SCFD1: variants seen among roughly 807,000 people sequenced by gnomAD.
SCFD1 encodes the protein sec1 family domain-containing protein 1.
SCFD1 carries 37 observed loss-of-function variants against 103.2 expected under a neutral mutation model. The ratio of observed to expected loss-of-function variants is 0.36; its 90% CI spans 0.28 to 0.47. The LOEUF is 0.47. SCFD1 is among the 20% of genes least tolerant of loss of function. The pLI is 1.00. For synonymous variants in SCFD1, 264 were observed against 245.0 expected (o/e 1.08, Z -0.73); for missense variants, 639 against 761.2 (o/e 0.84, Z 1.89).
chr14:30,675,026 C>A lies in SCFD1; in HGVS notation c.1203C>A (p.Leu401=). The A allele has an allele frequency of 6.3e-7, 1 of 1,591,486 alleles. No individual in the cohort carries two copies. The highest frequency in any genetic ancestry group is 1.8e-5 in the Admixed American group (1 of 55,638). The change falls in exon 14 of 25, where the codon CTC becomes CTA. Residue 401 remains leucine (L), a synonymous_variant. Transcript: ENST00000458591. ...TTGAGAAAAAAAGACTTATTGATCT[C>A]CATACAAATGTTGCCACTGCTGTTT... is the stretch of plus-strand genomic sequence containing the variant. ...ELLEKKRLID[L]HTNVATAVLE...
At chr14:30,660,266 A>T (rs1373745409) in intron 10 of SCFD1, among the ~76,000 whole-genome samples, 1 of 152,114 alleles carries the variant, frequency 6.6e-6, no homozygotes, top group Non-Finnish European at 1.5e-5. Context: ...CATTTGGCTG[A>T]TTGTATCCTT....
intron 14 of SCFD1, among the ~76,000 whole-genome samples, chr14:30,691,874 G>GT (rs1371250350): frequency 6.6e-6 from 1 of 152,012 alleles, no homozygotes; most frequent in East Asian, 1.9e-4. Context: ...AGTGAGCCAT[G>GT]TTTTTTTACT....
chr14:30,637,228 A>T (rs1884818547), intron 4 of SCFD1, among the ~76,000 whole-genome samples: 1 of 152,082 alleles, frequency 6.6e-6, no homozygotes, highest in Non-Finnish European at 1.5e-5. Context: ...AGATAAACAG[A>T]TAACCTCCAA....
intron 3 of SCFD1, among the ~76,000 whole-genome samples, chr14:30,633,002 G>T (rs555600261): frequency 6.6e-6 from 1 of 152,150 alleles, no homozygotes; most frequent in Non-Finnish European, 1.5e-5. Flanking sequence ...TCCTCTATTT[G>T]CTGGAGAATA....
intron 14 of SCFD1, among the ~76,000 whole-genome samples, chr14:30,677,151 A>T (rs1889095651): frequency 6.6e-6 from 1 of 152,138 alleles, no homozygotes; most frequent in Non-Finnish European, 1.5e-5. Context: ...TGTAAAAGAT[A>T]GATTTTATTT....
chr14:30,671,617 A>G (rs1888547419), intron 11 of SCFD1, among the ~76,000 whole-genome samples: 1 of 152,178 alleles, frequency 6.6e-6, no homozygotes, highest in Non-Finnish European at 1.5e-5. Flanking sequence ...ATTAAGTAGG[A>G]ATAGCTCTTT....
At chr14:30,678,939 C>T (rs2139243021) in intron 14 of SCFD1, among the ~76,000 whole-genome samples, 1 of 152,326 alleles carries the variant, frequency 6.6e-6, no homozygotes, top group South Asian at 2.1e-4. Context: ...GTGATGATGT[C>T]TGTACTCTAA....
At chr14:30,697,371 A>C (rs1890771834) in intron 15 of SCFD1, among the ~76,000 whole-genome samples, 2 of 152,244 alleles carry the variant, frequency 1.3e-5, no homozygotes, top group Non-Finnish European at 2.9e-5. Flanking sequence ...AAATAATAAC[A>C]GATTATAACC....
intron 15 of SCFD1, 24 bp from the exon 16 acceptor site, chr14:30,700,164 T>C: frequency 6.5e-7 from 1 of 1,536,022 alleles, no homozygotes; most frequent in Non-Finnish European, 9.0e-7. Context: ...GAAAATATTT[T>C]TTAACCTCTT....
chr14:30,725,569 T>A (rs765581339), intron 23 of SCFD1, among the ~76,000 whole-genome samples: 1 of 152,204 alleles, frequency 6.6e-6, no homozygotes, highest in South Asian at 2.1e-4. Context: ...GTTTATCAGC[T>A]TAAGAAGCTT....
chr14:30,710,039 A>C (rs968545014), intron 19 of SCFD1, among the ~76,000 whole-genome samples: 2 of 152,128 alleles, frequency 1.3e-5, no homozygotes, highest in Non-Finnish European at 2.9e-5. Context: ...TTTGTTTTTG[A>C]ACTTACTACC....
At chr14:30,632,806 G>T (rs1405821956) in intron 3 of SCFD1, among the ~76,000 whole-genome samples, 1 of 152,174 alleles carries the variant, frequency 6.6e-6, no homozygotes, top group Admixed American at 6.5e-5. Flanking sequence ...CTACTGAACT[G>T]TAATGGCTCA....
At chr14:30,651,161 T>C (rs1473550989) in intron 9 of SCFD1, among the ~76,000 whole-genome samples, 1 of 152,114 alleles carries the variant, frequency 6.6e-6, no homozygotes, top group Non-Finnish European at 1.5e-5. Flanking sequence ...TAACTTCTGA[T>C]TGTTAATAGT....
intron 23 of SCFD1, among the ~76,000 whole-genome samples, chr14:30,725,338 T>C (rs1892969350): frequency 6.6e-6 from 1 of 152,244 alleles, no homozygotes; most frequent in South Asian, 2.1e-4. Flanking sequence ...TTTCCATTTG[T>C]TTGTGTCATC....
At chr14:30,726,458 T>C (rs1323738715) in intron 23 of SCFD1, among the ~76,000 whole-genome samples, 1 of 152,232 alleles carries the variant, frequency 6.6e-6, no homozygotes, top group Non-Finnish European at 1.5e-5. Flanking sequence ...AATGATACCA[T>C]TTGCACCAAG....
chr14:30,623,243 A>G (rs1382630255), intron 1 of SCFD1, among the ~76,000 whole-genome samples: 1 of 152,206 alleles, frequency 6.6e-6, no homozygotes, highest in Non-Finnish European at 1.5e-5. Flanking sequence ...AGGCATCAAG[A>G]ATGTGCATAC....
At chr14:30,721,230 CTT>C (rs961473638) in intron 21 of SCFD1, among the ~76,000 whole-genome samples, 1 of 152,088 alleles carries the variant, frequency 6.6e-6, no homozygotes, top group African/African-American at 2.4e-5. Flanking sequence ...TGATAGCCCT[CTT>C]TTCTCAGTTG....
chr14:30,677,826 C>CCTT, intron 14 of SCFD1, among the ~76,000 whole-genome samples: 1 of 121,724 alleles, frequency 8.2e-6, no homozygotes, highest in East Asian at 2.4e-4. Flanking sequence ...CACCTAAGCA[C>CCTT]CTTTTTTTTT....
intron 1 of SCFD1, 42 bp from the exon 2 acceptor site, chr14:30,628,167 T>TA: frequency 1.4e-6 from 2 of 1,462,620 alleles, no homozygotes; most frequent in Non-Finnish European, 1.9e-6. Flanking sequence ...AATAAAATCC[T>TA]AAAAAACAAT....
Sources: allele counts gnomAD v4.1 joint callset (sites outside exome capture counted in the v4.1 genomes callset), GRCh38; gene constraint gnomAD v4.1.1; transcripts MANE v1.5; gene names NCBI Gene and HGNC (gene_info 2026-07-23, HGNC 2026-07-21).